PACSIN2: variants seen among roughly 807,000 people sequenced by gnomAD.
PACSIN2 encodes the protein protein kinase C and casein kinase substrate in neurons 2, also known as protein kinase C and casein kinase substrate in neurons protein 2.
In PACSIN2, 25 loss-of-function variants were observed where a neutral mutation model predicts 63.8. That is an observed-to-expected ratio of 0.39 (90% CI 0.29 to 0.55). PACSIN2 has a LOEUF of 0.55. Ranked by LOEUF, PACSIN2 falls within the 20% of genes least tolerant of loss-of-function variation. The pLI is 0.62. For synonymous variants in PACSIN2, 255 were observed against 256.2 expected (o/e 1.00, Z 0.05); for missense variants, 518 against 646.9 (o/e 0.80, Z 2.16).
chr22:42,938,939 T>C (rs574334738), intron 1 of PACSIN2, among the ~76,000 whole-genome samples: 30 of 152,332 alleles, frequency 2.0e-4, no homozygotes, highest in African/African-American at 7.0e-4. Context: ...AAAATAACCA[T>C]GTTTTCCCCA....
At chr22:42,937,567 C>A (rs1601548180) in intron 1 of PACSIN2, among the ~76,000 whole-genome samples, 1 of 152,184 alleles carries the variant, frequency 6.6e-6, no homozygotes, top group Non-Finnish European at 1.5e-5. Flanking sequence ...CTACCACACA[C>A]TGAATCTCCA....
chr22:42,879,245 C>T (rs1928892735), intron 7 of PACSIN2, 76 bp from the exon 8 acceptor site: 4 of 1,498,246 alleles, frequency 2.7e-6, no homozygotes, highest in Non-Finnish European at 2.7e-6. Context: ...TCAGTTCCTG[C>T]CCAGCGAGCC....
intron 1 of PACSIN2, among the ~76,000 whole-genome samples, chr22:42,977,196 C>CA (rs1921766371): frequency 6.6e-6 from 1 of 152,046 alleles, no homozygotes; most frequent in East Asian, 1.9e-4. Flanking sequence ...TAGAAATTTG[C>CA]AAAAAATCTT....
intron 1 of PACSIN2, among the ~76,000 whole-genome samples, chr22:42,921,331 C>G (rs1487347338): frequency 6.6e-6 from 1 of 151,120 alleles, no homozygotes; most frequent in East Asian, 2.0e-4. Context: ...TGTCGCCCAC[C>G]CTGGGCGACA....
chr22:42,962,797 A>T, intron 1 of PACSIN2, among the ~76,000 whole-genome samples: 1 of 144,176 alleles, frequency 6.9e-6, no homozygotes, highest in Non-Finnish European at 1.5e-5. Flanking sequence ...GCGGCGCAGA[A>T]AAAGAAAACT....
intron 1 of PACSIN2, chr22:42,959,865 T>A (rs977046537): frequency 9.2e-5 from 14 of 152,326 alleles, no homozygotes; most frequent in Admixed American, 7.9e-4. Flanking sequence ...CCAACCCTGC[T>A]GGCATGTCTG....
intron 1 of PACSIN2, among the ~76,000 whole-genome samples, chr22:43,010,618 G>A (rs147300496): frequency 3.4e-4 from 51 of 152,180 alleles, no homozygotes; most frequent in African/African-American, 1.2e-3. Flanking sequence ...GCTGAGGCAG[G>A]AGAATGGCAT....
chr22:42,876,847 A>C (rs759225422), intron 9 of PACSIN2, 41 bp downstream of exon 9: 2 of 1,613,258 alleles, frequency 1.2e-6, no homozygotes, highest in Admixed American at 1.7e-5. Flanking sequence ...AGAGAGACAG[A>C]GTGAGCGCGG....
At chr22:42,919,790 AAAAAAAAG>A (rs1932057263) in intron 1 of PACSIN2, among the ~76,000 whole-genome samples, 7 of 114,614 alleles carry the variant, frequency 6.1e-5, no homozygotes, top group East Asian at 1.7e-3. Flanking sequence ...AAAAAAAAAA[AAAAAAAAG>A]AAAGAAAGAA....
chr22:42,876,252 A>G lies in PACSIN2; in HGVS notation c.1233T>C (p.Asp411=), dbSNP rs1401704239. 1 of 1,614,146 alleles carries G rather than the reference A, an allele frequency of 6.2e-7. No homozygotes were observed. The highest frequency in any genetic ancestry group is 1.7e-5 in the Admixed American group (1 of 60,032). ...CGAATGGATTCGAGTCCCCATTGGC[A>G]TCCGTGGAGGAGAAGGGGTTGTTAG... ...DESNNPFSST[D]ANGDSNPFDD... The change falls in exon 10 of 11, where the codon GAT becomes GAC. Residue 411 remains aspartate (D), a synonymous_variant. Transcript: ENST00000263246.
chr22:43,013,635 G>A (rs759633284), intron 1 of PACSIN2, among the ~76,000 whole-genome samples: 2 of 152,190 alleles, frequency 1.3e-5, no homozygotes, highest in Admixed American at 6.5e-5. Context: ...GCTCCAACCT[G>A]GCAATCCCAG....
intron 1 of PACSIN2, among the ~76,000 whole-genome samples, chr22:43,006,992 C>T (rs1209304744): frequency 6.6e-6 from 1 of 152,090 alleles, no homozygotes; most frequent in Admixed American, 6.6e-5. Context: ...TTGAGACTCC[C>T]AGAGACAGAG....
At chr22:42,998,162 T>C (rs1230369330) in intron 1 of PACSIN2, among the ~76,000 whole-genome samples, 1 of 152,156 alleles carries the variant, frequency 6.6e-6, no homozygotes, top group East Asian at 1.9e-4. Context: ...TACAGGAAGT[T>C]GATGAATAAA....
chr22:42,970,344 G>A (rs1304074638), intron 1 of PACSIN2, among the ~76,000 whole-genome samples: 1 of 152,146 alleles, frequency 6.6e-6, no homozygotes, highest in Non-Finnish European at 1.5e-5. Flanking sequence ...CTAATACTAG[G>A]AAAAATCATC....
chr22:42,883,875 A>C (rs191529712), intron 6 of PACSIN2, among the ~76,000 whole-genome samples: 141 of 152,272 alleles, frequency 9.3e-4, no homozygotes, highest in African/African-American at 3.3e-3. Flanking sequence ...GTGGTGGCGC[A>C]TGCCTGTAAT....
chr22:42,901,455 C>G (rs1930680169), intron 2 of PACSIN2, among the ~76,000 whole-genome samples: 1 of 152,214 alleles, frequency 6.6e-6, no homozygotes, highest in African/African-American at 2.4e-5. Flanking sequence ...CTAACAAGAC[C>G]TCCTTCCCTT....
At chr22:42,951,358 GCCT>G (rs1169345418) in intron 1 of PACSIN2, among the ~76,000 whole-genome samples, 5 of 152,076 alleles carry the variant, frequency 3.3e-5, no homozygotes, top group African/African-American at 7.2e-5. Context: ...CCAGGGCTCA[GCCT>G]CCTCTTCTCT....
chr22:43,007,162 G>C lies in PACSIN2; in HGVS notation c.-78+7859C>G, dbSNP rs532867108. Among the ~76,000 whole-genome samples the C allele has an allele frequency of 9.1e-4, 138 of 151,714 alleles. 1 individual carries two copies. The highest frequency in any genetic ancestry group is 1.0e-3 in the Non-Finnish European group (68 of 67,974). On this transcript the variant is annotated intron_variant, in intron 1 of 10. Coordinates refer to ENST00000263246, the MANE Select transcript of PACSIN2 (RefSeq NM_001184970.3). ...TGTCCTCCAGGAGAATATAAGGCAG[G>C]TCATAACCTGGAGCCTTCCCTGCCC...
chr22:42,898,956 G>A (rs1312334755), intron 2 of PACSIN2, among the ~76,000 whole-genome samples: 1 of 152,164 alleles, frequency 6.6e-6, no homozygotes, highest in East Asian at 1.9e-4. Flanking sequence ...TATCCAAAGA[G>A]GCCACGTCAG....
Sources: allele counts gnomAD v4.1 joint callset (sites outside exome capture counted in the v4.1 genomes callset), GRCh38; gene constraint gnomAD v4.1.1; transcripts MANE v1.5; gene names NCBI Gene and HGNC (gene_info 2026-07-23, HGNC 2026-07-21).